FAM120B: variants seen among roughly 807,000 people sequenced by gnomAD.
FAM120B encodes family with sequence similarity 120 member B.
In FAM120B, 83 loss-of-function variants were observed where a neutral mutation model predicts 96.3. That is an observed-to-expected ratio of 0.86 (90% CI 0.72 to 1.03). The LOEUF (loss-of-function observed/expected upper bound fraction) is 1.03, where lower values mean the gene tolerates loss of function less well. Among genes scored for constraint, FAM120B ranks in the 50% least tolerant of loss-of-function variants. The probability of loss-of-function intolerance (pLI) is 0.00; values close to 1 mark genes in which losing one functional copy is unlikely to be tolerated. For synonymous variants in FAM120B, 407 were observed against 402.7 expected (o/e 1.01, Z -0.13); for missense variants, 1,027 against 1,121.2 (o/e 0.92, Z 1.20).
chr6:170,354,674 A>G (rs1234376029), intron 5 of FAM120B, among the ~76,000 whole-genome samples: 2 of 152,216 alleles, frequency 1.3e-5, no homozygotes, highest in Non-Finnish European at 2.9e-5. Context: ...CTGTAATCCC[A>G]GCACTTTGGG....
intron 5 of FAM120B, among the ~76,000 whole-genome samples, chr6:170,349,741 C>G (rs1335575566): frequency 6.6e-6 from 1 of 152,156 alleles, no homozygotes; most frequent in African/African-American, 2.4e-5. Flanking sequence ...TTAGAAGCAG[C>G]TGCGGTCCGT....
chr6:170,355,534 T>C (rs545874810), intron 5 of FAM120B, among the ~76,000 whole-genome samples: 43 of 151,382 alleles, frequency 2.8e-4, no homozygotes, highest in Non-Finnish European at 4.6e-4. Context: ...CAGGGTCACA[T>C]AGCAGGGAAC....
chr6:170,403,639 A>G (rs1778695342), intron 9 of FAM120B, among the ~76,000 whole-genome samples: 1 of 152,140 alleles, frequency 6.6e-6, no homozygotes, highest in African/African-American at 2.4e-5. Context: ...AGGCTGCTCA[A>G]GTGAGAAGGC....
intron 8 of FAM120B, among the ~76,000 whole-genome samples, chr6:170,392,298 C>A (rs1225053852): frequency 6.6e-6 from 1 of 152,104 alleles, no homozygotes; most frequent in African/African-American, 2.4e-5. Flanking sequence ...ACCTCCGCCT[C>A]CCGAGTTCAA....
At chr6:170,348,653 G>A (rs1787373538) in intron 5 of FAM120B, among the ~76,000 whole-genome samples, 1 of 152,120 alleles carries the variant, frequency 6.6e-6, no homozygotes, top group Non-Finnish European at 1.5e-5. Context: ...GCATTGTTTA[G>A]GTGGTGGTTC....
intron 7 of FAM120B, among the ~76,000 whole-genome samples, chr6:170,390,471 A>G (rs1403160509): frequency 4.0e-5 from 6 of 151,444 alleles, no homozygotes; most frequent in Non-Finnish European, 5.9e-5. Flanking sequence ...TATACGTTCT[A>G]GTTTGGGAAA....
upstream of FAM120B, among the ~76,000 whole-genome samples, chr6:170,304,886 G>T (rs1052223053): frequency 6.6e-6 from 1 of 152,190 alleles, no homozygotes; most frequent in African/African-American, 2.4e-5. Context: ...CTACAGCAAA[G>T]TACCATAGAC....
chr6:170,348,308 C>T lies in FAM120B; in HGVS notation c.2175C>T (p.Ile725=), dbSNP rs749429922. ...SPFQALCCLL[I]YLFVQVDTLC... ...TTCAAGCTTTGTGCTGCCTCTTGAT[C>T]TACCTCTTTGTCCAGGTAATGTCCA... Residue 725 remains isoleucine (I), a synonymous_variant, in exon 5 of 11, where the codon ATC becomes ATT. Transcript: ENST00000476287. 9 of 1,612,942 alleles carry T rather than the reference C, an allele frequency of 5.6e-6. No homozygotes were observed. The East Asian group carries it at 1.8e-4, about 32-fold the overall frequency.
At chr6:170,374,568 C>T (rs1219923911) in intron 6 of FAM120B, among the ~76,000 whole-genome samples, 1 of 152,218 alleles carries the variant, frequency 6.6e-6, no homozygotes, top group East Asian at 1.9e-4. Flanking sequence ...AAAACTTACC[C>T]ACACGTAACA....
In FAM120B at chr6:170,333,666, A is replaced by G. The variant is rs146502319; in HGVS notation, c.2017+3116A>G. On this transcript the variant is annotated intron_variant, in intron 4 of 10. Transcript: ENST00000476287. ...ACACCCAACTAATTTTTGTATTTTT[A>G]GTAGAGTCTGGGTTTCGCCTTGTTG... Among the ~76,000 whole-genome samples, 213 of 152,006 alleles carry G rather than the reference A, an allele frequency of 1.4e-3. 4 individuals carry two copies. The East Asian group carries it at 0.035, about 25-fold the overall frequency.
intron 5 of FAM120B, among the ~76,000 whole-genome samples, chr6:170,356,942 C>T (rs1222682385): frequency 6.6e-6 from 1 of 152,116 alleles, no homozygotes; most frequent in Admixed American, 6.5e-5. Context: ...AGGATAGTGA[C>T]ATGGTGAGTA....
At chr6:170,373,669 C>T (rs769418052) in intron 6 of FAM120B, among the ~76,000 whole-genome samples, 6 of 152,012 alleles carry the variant, frequency 3.9e-5, no homozygotes, top group Non-Finnish European at 7.4e-5. Flanking sequence ...AGAAATTTGC[C>T]GAGAAGAGGT....
chr6:170,400,540 G>T (rs1402316607), intron 9 of FAM120B, among the ~76,000 whole-genome samples: 3 of 152,088 alleles, frequency 2.0e-5, no homozygotes, highest in Admixed American at 6.5e-5. Flanking sequence ...TGCCCTTAGG[G>T]GATCCCTGGA....
At chr6:170,315,321 A>G (rs1784837192) in intron 1 of FAM120B, among the ~76,000 whole-genome samples, 1 of 152,192 alleles carries the variant, frequency 6.6e-6, no homozygotes, top group South Asian at 2.1e-4. Context: ...GCCTTCTTTT[A>G]AAAGCCATTT....
chr6:170,328,688 G>GT (rs1228229903), intron 3 of FAM120B, among the ~76,000 whole-genome samples: 4 of 151,952 alleles, frequency 2.6e-5, no homozygotes, highest in South Asian at 4.2e-4. Context: ...AGAAATGAGC[G>GT]TTTTTTTAAA....
At chr6:170,334,041 C>T (rs1366075706) in intron 4 of FAM120B, among the ~76,000 whole-genome samples, 1 of 152,154 alleles carries the variant, frequency 6.6e-6, no homozygotes, top group Non-Finnish European at 1.5e-5. Context: ...TTGGCCCACA[C>T]CAAAGGCAAG....
At chr6:170,312,814 G>A (rs1202216825) in intron 1 of FAM120B, among the ~76,000 whole-genome samples, 2 of 152,210 alleles carry the variant, frequency 1.3e-5, no homozygotes, top group Non-Finnish European at 2.9e-5. Context: ...AGTGAAGACA[G>A]CTGGGGATTT....
At chr6:170,390,924 GT>G in intron 7 of FAM120B, 88 bp from the exon 8 acceptor site, 1 of 1,009,526 alleles carries the variant, frequency 9.9e-7, no homozygotes, top group Non-Finnish European at 1.5e-6. Flanking sequence ...GTGTGGAAGG[GT>G]GTCCCCTAAG....
intron 6 of FAM120B, among the ~76,000 whole-genome samples, chr6:170,373,601 C>A (rs1474958327): frequency 6.6e-6 from 1 of 152,020 alleles, no homozygotes; most frequent in African/African-American, 2.4e-5. Context: ...TCTTTGTTAC[C>A]AAGCTTTTCA....
Sources: gnomAD v4.1 joint callset for allele counts (sites outside exome capture counted in the v4.1 genomes callset) on GRCh38, gnomAD v4.1.1 for gene constraint, MANE v1.5 for transcripts, NCBI Gene and HGNC (gene_info 2026-07-23, HGNC 2026-07-21) for gene names.